The following TRAP1 variants were observed in gnomAD, a reference collection of about 807,000 sequenced individuals.
TRAP1 encodes heat shock protein 75 kDa, mitochondrial.
TRAP1 carries 102 observed loss-of-function variants against 89.1 expected under a neutral mutation model. The ratio of observed to expected loss-of-function variants is 1.15; its 90% CI spans 0.98 to 1.35. TRAP1 has a LOEUF of 1.35. Ranked by LOEUF, TRAP1 falls within the 40% of genes most tolerant of loss-of-function variation. TRAP1 has a pLI of 0.00. For missense variants in TRAP1, 1,256 were observed against 945.3 expected (o/e 1.33, Z -4.31); for synonymous variants, 508 against 388.0 (o/e 1.31, Z -3.64).
chr16:3,677,897 TCA>T (rs1381096081), intron 5 of TRAP1: 9 of 499,078 alleles, frequency 1.8e-5, no homozygotes, highest in Non-Finnish European at 2.5e-5. Flanking sequence ...TTCCCAAAGC[TCA>T]CAGTCCTGCC....
chr16:3,666,008 C>G lies in TRAP1; in HGVS notation c.1346G>C (p.Arg449Pro). The G allele has an allele frequency of 6.2e-7, 1 of 1,614,102 alleles. No homozygotes were observed. Among genetic ancestry groups the G allele is most frequent in the Middle Eastern group, 1.6e-4 (1 of 6,062 alleles). ...KFFEDYGLFM[R>P]EGIVTATEQE... ...CTCGGTGGCGGTCACAATGCCCTCC[C>G]GCATGAACAGGCCGTAATCTTCAAA... Residue 449 changes from arginine to proline, a missense_variant, in exon 12 of 18, where the codon CGG becomes CCG. By Grantham distance (103) the Arg-to-Pro change is moderately radical. Coordinates refer to ENST00000246957, the MANE Select transcript of TRAP1 (RefSeq NM_016292.3).
intron 11 of TRAP1, among the ~76,000 whole-genome samples, chr16:3,671,505 C>T (rs1596708396): frequency 1.3e-5 from 2 of 152,082 alleles, no homozygotes; most frequent in Admixed American, 6.5e-5. Flanking sequence ...ACTCCAGCCT[C>T]AGCCATGACC....
At chr16:3,691,056 T>A (rs1013243218) in intron 1 of TRAP1, 71 bp from the exon 2 acceptor site, 11 of 1,367,496 alleles carry the variant, frequency 8.0e-6, no homozygotes, top group Middle Eastern at 1.9e-4. Context: ...ATTCGTCCCA[T>A]CAAGGGTGTC....
chr16:3,678,725 T>A (rs2051034437), intron 5 of TRAP1, among the ~76,000 whole-genome samples: 1 of 152,148 alleles, frequency 6.6e-6, no homozygotes, highest in African/African-American at 2.4e-5. Flanking sequence ...CCTCCCAAAG[T>A]ACTGGGGTTA....
intron 1 of TRAP1, among the ~76,000 whole-genome samples, chr16:3,710,877 A>T (rs202079096): frequency 0.33 from 31,108 of 92,940 alleles, 4,201 homozygotes; most frequent in African/African-American, 0.48. Context: ...ATATATATAT[A>T]TATTTTTTTT....
chr16:3,668,759 G>A (rs2050871451), intron 11 of TRAP1, among the ~76,000 whole-genome samples: 1 of 152,200 alleles, frequency 6.6e-6, no homozygotes, highest in African/African-American at 2.4e-5. Flanking sequence ...CCCTTACTGA[G>A]CAGGACCACC....
rs751682541 is a variant in TRAP1, at chr16:3,662,067, G to A, written c.1860C>T (p.His620=). The A allele has an allele frequency of 7.4e-6, 12 of 1,613,346 alleles. No individual in the cohort carries two copies. The East Asian group carries it at 2.5e-4, about 33-fold the overall frequency. The change falls in exon 16 of 18, where the codon CAC becomes CAT. Residue 620 remains histidine, a synonymous_variant. Transcript: ENST00000246957. ...VTVLEMGAAR[H]FLRMQQLAKT... Reference sequence around the variant, plus strand: ...TGGCCAGCTGCTGCATGCGCAGGAAGTGGCGGGCAGCCCCCATCTCCAGCA... The same window carrying A: ...TGGCCAGCTGCTGCATGCGCAGGAAATGGCGGGCAGCCCCCATCTCCAGCA...
intron 11 of TRAP1, among the ~76,000 whole-genome samples, chr16:3,670,492 G>A (rs1174448125): frequency 6.6e-6 from 1 of 151,360 alleles, no homozygotes; most frequent in East Asian, 1.9e-4. Context: ...CTTGAGCCCA[G>A]GAGTTCAAGA....
At chr16:3,658,650 C>T (rs2042869132) in intron 17 of TRAP1, 143 bp downstream of exon 17, 1 of 808,074 alleles carries the variant, frequency 1.2e-6, no homozygotes, top group Admixed American at 2.6e-5. Context: ...TCCAGCCTGG[C>T]AACAGAGCAA....
intron 9 of TRAP1, 118 bp downstream of exon 9, chr16:3,674,221 C>A: frequency 8.7e-6 from 12 of 1,379,468 alleles, no homozygotes; most frequent in Non-Finnish European, 1.1e-5. Context: ...ACACCCAGCA[C>A]TACCTATGTT....
chr16:3,664,812 G>C, intron 12 of TRAP1: 1 of 236,682 alleles, frequency 4.2e-6, no homozygotes, highest in Non-Finnish European at 8.2e-6. Flanking sequence ...TCTCTGGTGG[G>C]CACACGGACA....
intron 12 of TRAP1, among the ~76,000 whole-genome samples, 162 bp downstream of exon 12, chr16:3,665,809 C>T (rs866669860): frequency 1.3e-5 from 2 of 152,128 alleles, no homozygotes; most frequent in East Asian, 3.9e-4. Flanking sequence ...TGCCAGAGGC[C>T]CAGAAGCCTG....
At position 3,690,940 on chromosome 16, in the gene TRAP1, G is replaced by C; in HGVS notation, c.134C>G (p.Pro45Arg). 1 of 1,579,802 alleles carries C rather than the reference G, an allele frequency of 6.3e-7. No individual in the cohort carries two copies. The highest frequency in any genetic ancestry group is 8.6e-7 in the Non-Finnish European group (1 of 1,164,658). The change falls in exon 2 of 18, where the codon CCC becomes CGC. Residue 45 changes from proline to arginine, a missense_variant. Physicochemically the swap from Pro to Arg is moderately radical, Grantham distance 103. Coordinates refer to ENST00000246957, the MANE Select transcript of TRAP1 (RefSeq NM_016292.3). Reference protein sequence around the residue: ...CPRRTTAQLGPRRNPAWSLQA... With the variant: ...CPRRTTAQLGRRRNPAWSLQA... ...CAAGCTCCAGGCTGGGTTTCGCCTG[G>C]GGCCCAACTGGGCTGTGGTCCTCCG...
At position 3,658,146 on chromosome 16, in the gene TRAP1, C is replaced by T. The variant is rs1478186872; in HGVS notation, c.2098G>A (p.Ala700Thr). ...CCTGGCTGTCAGTGTCGCTCCAGGG[C>T]CTTGACAAGCAGCTCATTCAAGCGG... Reference protein sequence around the residue: ...VGRLNELLVKALERH With the variant: ...VGRLNELLVKTLERH Residue 700 changes from alanine (A) to threonine (T), a missense_variant, in exon 18 of 18, where the codon GCC (alanine) becomes ACC (threonine). By Grantham distance (58) the Ala-to-Thr change is moderately conservative. Coordinates refer to ENST00000246957, the MANE Select transcript of TRAP1 (RefSeq NM_016292.3). 1.1e-5 allele frequency: 17 copies of T among 1,614,090 alleles called. No homozygotes were observed. The highest frequency in any genetic ancestry group is 1.7e-5 in the Admixed American group (1 of 60,024).
intron 1 of TRAP1, among the ~76,000 whole-genome samples, chr16:3,711,917 T>C (rs1193145940): frequency 5.3e-5 from 8 of 152,182 alleles, no homozygotes; most frequent in Non-Finnish European, 1.2e-4. Context: ...ACGCCATCCA[T>C]GAACATTCTC....
intron 1 of TRAP1, among the ~76,000 whole-genome samples, chr16:3,705,305 G>A (rs569061737): frequency 1.3e-5 from 2 of 152,016 alleles, no homozygotes; most frequent in South Asian, 4.2e-4. Flanking sequence ...TCCTGACCTC[G>A]TGATCCGCCC....
chr16:3,667,755 C>A (rs4785937), intron 11 of TRAP1, among the ~76,000 whole-genome samples: 7,786 of 72,460 alleles, frequency 0.11, 244 homozygotes, highest in South Asian at 0.18. Flanking sequence ...TATAACACAT[C>A]AATTTTTTTT....
intron 16 of TRAP1, chr16:3,659,125 C>G (rs1054102435): frequency 2.5e-6 from 1 of 400,552 alleles, no homozygotes; most frequent in Non-Finnish European, 4.5e-6. Context: ...ACAAAAGGAG[C>G]TTAGTACGTG....
intron 6 of TRAP1, 25 bp downstream of exon 6, chr16:3,677,473 C>T: frequency 6.2e-7 from 1 of 1,614,124 alleles, no homozygotes; most frequent in South Asian, 1.1e-5. Context: ...TTTGAGCTGC[C>T]TGTCAGGCGA....
Sources: gnomAD v4.1 joint callset for allele counts (sites outside exome capture counted in the v4.1 genomes callset) on GRCh38, gnomAD v4.1.1 for gene constraint, MANE v1.5 for transcripts, NCBI Gene and HGNC (gene_info 2026-07-23, HGNC 2026-07-21) for gene names.